Variants in KYNU observed in about 807,000 individuals in gnomAD.
KYNU encodes L-kynurenine hydrolase.
In KYNU, 54 loss-of-function variants were observed where a neutral mutation model predicts 59.2. The ratio of observed to expected loss-of-function variants is 0.91; its 90% CI spans 0.73 to 1.14. KYNU has a LOEUF of 1.14. Ranked by LOEUF, KYNU falls within the 50% of genes most tolerant of loss-of-function variation. The probability of loss-of-function intolerance (pLI) is 0.00; values close to 1 mark genes in which losing one functional copy is unlikely to be tolerated. For synonymous variants in KYNU, 177 were observed against 192.0 expected (o/e 0.92, Z 0.65); for missense variants, 567 against 554.4 (o/e 1.02, Z -0.23).
Position 142,988,265 on chromosome 2 carries a change from C to G in KYNU, c.902+2244C>G, listed in dbSNP as rs999692501. Among the ~76,000 whole-genome samples the G allele has an allele frequency of 5.3e-5, 8 of 151,928 alleles. No individual in the cohort carries two copies. The East Asian group carries it at 1.5e-3, about 29-fold the overall frequency. ...TACTGACCCCTAAGTACTTCGTTGA[C>G]TCACTGAGAATGTGCATAGTAACAT... On this transcript the variant is annotated intron_variant, in intron 10 of 13. Transcript: ENST00000264170.
rs978500835 is a variant in KYNU at position 143,051,858 on chromosome 2, G to T, written c.*9686G>T. The stretch of plus-strand genomic sequence containing the variant: ...CAGTAGAGAGGGGCACTGCTGAAAA[G>T]GTACCCGAATATGTGGAAGCAACTT... On this transcript the variant is annotated 3_prime_UTR_variant, in exon 14 of 14. Coordinates refer to ENST00000264170, the MANE Select transcript of KYNU (RefSeq NM_003937.3). 2 of 152,234 alleles carry T rather than the reference G, an allele frequency of 1.3e-5. No homozygotes were observed. The highest frequency in any genetic ancestry group is 2.4e-5 in the African/African-American group (1 of 41,422). The allele number at this position is 152,234 out of a possible 1,614,324, so 9.4% of individuals were successfully genotyped here.
At chr2:142,957,000 A>T (rs34082230) in intron 6 of KYNU, among the ~76,000 whole-genome samples, 41,722 of 151,962 alleles carry the variant, frequency 0.27, 6,670 homozygotes, top group South Asian at 0.42. Flanking sequence ...ATAAATAAAT[A>T]AATTAATTAA....
chr2:142,946,967 T>C, intron 4 of KYNU: 2 of 1,372,096 alleles, frequency 1.5e-6, no homozygotes, highest in Non-Finnish European at 2.0e-6. Flanking sequence ...CCTTGTACTT[T>C]TTGTATTTCA....
At chr2:142,910,750 T>G (rs556707923) in intron 2 of KYNU, among the ~76,000 whole-genome samples, 1 of 152,296 alleles carries the variant, frequency 6.6e-6, no homozygotes, top group South Asian at 2.1e-4. Context: ...ATAATTGTAT[T>G]TGGTGAAAGG....
intron 10 of KYNU, among the ~76,000 whole-genome samples, chr2:143,019,242 G>A (rs7585286): frequency 0.011 from 1,711 of 152,098 alleles, 34 homozygotes; most frequent in African/African-American, 0.038. Flanking sequence ...TCAATTTTTC[G>A]CTGTTCAATT....
intron 8 of KYNU, among the ~76,000 whole-genome samples, chr2:142,964,118 T>TG (rs1242699283): frequency 2.0e-5 from 3 of 147,928 alleles, no homozygotes; most frequent in African/African-American, 8.0e-5. Context: ...TACTTTTGTT[T>TG]GTTTTTTTTT....
At chr2:142,945,774 A>G (rs1012725626) in intron 4 of KYNU, among the ~76,000 whole-genome samples, 1 of 148,626 alleles carries the variant, frequency 6.7e-6, no homozygotes, top group Non-Finnish European at 1.5e-5. Flanking sequence ...AGCAGTCTCT[A>G]TCGCTCAGGC....
chr2:142,965,100 C>G (rs1684485385), intron 8 of KYNU, among the ~76,000 whole-genome samples: 1 of 152,208 alleles, frequency 6.6e-6, no homozygotes, highest in African/African-American at 2.4e-5. Flanking sequence ...TCAGCTACCA[C>G]TGTCAAGTGC....
chr2:143,016,952 C>T (rs1162349363), intron 10 of KYNU, among the ~76,000 whole-genome samples: 4 of 152,108 alleles, frequency 2.6e-5, no homozygotes, highest in African/African-American at 9.7e-5. Context: ...TCCACGTTCC[C>T]ATCTTTATGT....
At chr2:142,991,180 T>C (rs1685388301) in intron 10 of KYNU, among the ~76,000 whole-genome samples, 2 of 151,958 alleles carry the variant, frequency 1.3e-5, no homozygotes, top group Admixed American at 1.3e-4. Flanking sequence ...CTGACTTATA[T>C]ATTTCACTTC....
At chr2:143,032,424 T>G (rs527311843) in intron 11 of KYNU, among the ~76,000 whole-genome samples, 3 of 152,184 alleles carry the variant, frequency 2.0e-5, no homozygotes, top group Non-Finnish European at 4.4e-5. Flanking sequence ...GGTCCCACCC[T>G]CGACATATGG....
rs376178395 is a variant in KYNU, at chr2:143,049,900, C to T, written c.*7728C>T. Reference sequence around the variant, plus strand: ...GAAAACTGAGTTAAGTCTGATTTTCCAGAGTTTTTATGTTTGCTTCTGTCA... The same window carrying T: ...GAAAACTGAGTTAAGTCTGATTTTCTAGAGTTTTTATGTTTGCTTCTGTCA... On this transcript the variant is annotated 3_prime_UTR_variant, in exon 14 of 14. Coordinates refer to ENST00000264170, the MANE Select transcript of KYNU (RefSeq NM_003937.3). The T allele has an allele frequency of 1.3e-5, 2 of 151,736 alleles. No homozygotes were observed. The highest frequency in any genetic ancestry group is 2.1e-4 in the South Asian group (1 of 4,822). The allele number at this position is 151,736 out of a possible 1,614,324, so 9.4% of individuals were successfully genotyped here.
chr2:143,046,740 A>G lies in KYNU; in HGVS notation c.*4568A>G, dbSNP rs995745439. 6.6e-6 allele frequency: 1 copy of G among 152,038 alleles called. No homozygotes were observed. The highest frequency in any genetic ancestry group is 2.4e-5 in the African/African-American group (1 of 41,416). 9.4% of individuals were successfully genotyped at this position (152,038 alleles called of 1,614,324 possible). On this transcript the variant is annotated 3_prime_UTR_variant, in exon 14 of 14. Transcript: ENST00000264170. Reference sequence around the variant, plus strand: ...AATCTCTCAGCTTCTTTTTATTAAGATTGCCCTGAATTGTCCTGGTTATCC... The same window carrying G: ...AATCTCTCAGCTTCTTTTTATTAAGGTTGCCCTGAATTGTCCTGGTTATCC...
At chr2:142,926,516 T>G (rs564339896) in intron 3 of KYNU, among the ~76,000 whole-genome samples, 48 of 152,296 alleles carry the variant, frequency 3.2e-4, no homozygotes, top group Admixed American at 2.3e-3. Context: ...AAGCAGTGTC[T>G]CCCAGAGGAA....
intron 2 of KYNU, among the ~76,000 whole-genome samples, chr2:142,908,521 A>G (rs957059959): frequency 4.0e-5 from 6 of 151,860 alleles, no homozygotes; most frequent in Admixed American, 2.6e-4. Flanking sequence ...ATATGCCTAT[A>G]TTAGAGTCCT....
intron 4 of KYNU, among the ~76,000 whole-genome samples, chr2:142,944,765 C>G (rs887780964): frequency 5.3e-5 from 8 of 152,104 alleles, no homozygotes; most frequent in African/African-American, 1.9e-4. Context: ...AAAAGATAGG[C>G]CAATTAGGTA....
chr2:142,885,092 T>TG (rs1232802204), intron 1 of KYNU, among the ~76,000 whole-genome samples: 2 of 126,388 alleles, frequency 1.6e-5, no homozygotes, highest in Non-Finnish European at 3.3e-5. Flanking sequence ...CTCAAACTCC[T>TG]GACCTCAAGT....
At chr2:142,933,650 C>G (rs1683296637) in intron 4 of KYNU, among the ~76,000 whole-genome samples, 1 of 152,080 alleles carries the variant, frequency 6.6e-6, no homozygotes, top group Admixed American at 6.5e-5. Context: ...AGACCTAATA[C>G]CCTCGTTTTG....
intron 10 of KYNU, among the ~76,000 whole-genome samples, chr2:143,021,108 C>G (rs1686395026): frequency 6.6e-6 from 1 of 151,908 alleles, no homozygotes; most frequent in East Asian, 1.9e-4. Flanking sequence ...CTATTCGTAT[C>G]CTTTGGCCAT....
Sources: gnomAD v4.1 joint callset for allele counts (sites outside exome capture counted in the v4.1 genomes callset) on GRCh38, gnomAD v4.1.1 for gene constraint, MANE v1.5 for transcripts, NCBI Gene and HGNC (gene_info 2026-07-23, HGNC 2026-07-21) for gene names.